Variants in ZNF469 observed in about 807,000 individuals in gnomAD.
ZNF469 encodes the protein zinc finger protein 469.
In ZNF469, 1 loss-of-function variant was observed where a neutral mutation model predicts 1.0. That is an observed-to-expected ratio of 1.00 (90% CI 0.35 to 4.73). The LOEUF is 4.73. Among genes scored for constraint, ZNF469 ranks in the 30% most tolerant of loss-of-function variants. The pLI is 0.16. For missense variants in ZNF469, 6,100 were observed against 5,356.3 expected (o/e 1.14, Z -4.33); for synonymous variants, 2,703 against 2,363.4 (o/e 1.14, Z -4.17).
At chr16:88,174,757 T>G in the ZNF469 span, among the ~76,000 whole-genome samples, 5 of 151,388 alleles carry the variant, frequency 3.3e-5, no homozygotes, top group East Asian at 9.7e-4. Flanking sequence ...TTCTCTAGCT[T>G]TATTGTAAGA....
intron 1 of ZNF469, among the ~76,000 whole-genome samples, chr16:88,397,670 A>ATAGATAGATAGATAGG (rs1234720836): frequency 6.7e-6 from 1 of 150,072 alleles, no homozygotes; most frequent in East Asian, 1.9e-4. Context: ...AGATAGATAG[A>ATAGATAGATAGATAGG]TAGATAGATA....
the ZNF469 span, among the ~76,000 whole-genome samples, chr16:88,300,792 C>T: frequency 1.3e-5 from 2 of 152,118 alleles, no homozygotes; most frequent in Admixed American, 6.5e-5. Context: ...AGGCCGGGTG[C>T]GGTGGCTCAC....
chr16:88,143,658 C>T, the ZNF469 span, among the ~76,000 whole-genome samples: 7 of 152,362 alleles, frequency 4.6e-5, no homozygotes, highest in African/African-American at 9.6e-5. Flanking sequence ...TTGTGTCTGA[C>T]GTCTGTCTCT....
the ZNF469 span, among the ~76,000 whole-genome samples, chr16:88,334,893 C>G: frequency 0.26 from 38,723 of 149,810 alleles, 5,242 homozygotes; most frequent in Non-Finnish European, 0.31. Context: ...GCCGACGGAA[C>G]GACACATGTG....
chr16:88,249,838 C>T, the ZNF469 span, among the ~76,000 whole-genome samples: 1 of 152,240 alleles, frequency 6.6e-6, no homozygotes, highest in Admixed American at 6.5e-5. Context: ...GCTGGGATCA[C>T]AGGCGTGAGC....
chr16:88,114,398 GGGT>G, the ZNF469 span, among the ~76,000 whole-genome samples: 36 of 145,290 alleles, frequency 2.5e-4, no homozygotes, highest in African/African-American at 8.3e-4. Flanking sequence ...GGGGTCTCTG[GGGT>G]GGGGAATGAC....
In ZNF469 at chr16:88,424,751, T is replaced by C. The variant is rs998513580; in HGVS notation, c.-191-56T>C. 3.9e-5 allele frequency among the ~76,000 whole-genome samples: 6 copies of C among 152,150 alleles called. No individual in the cohort carries two copies. Among genetic ancestry groups the C allele is most frequent in the Admixed American group, 1.3e-4 (2 of 15,282 alleles). ...TCCCACCTGGCTTCTCCTCGGGCTC[T>C]TGGTCCAGAGCCATGCACCACATCG... is the stretch of plus-strand genomic sequence containing the variant. On this transcript the variant is annotated intron_variant, in intron 1 of 2. Transcript: ENST00000565624. The surrounding 1 kb of genome is among the most constrained non-coding windows in gnomAD (Gnocchi z 4.3).
chr16:88,355,112 G>A, the ZNF469 span, among the ~76,000 whole-genome samples: 1 of 146,390 alleles, frequency 6.8e-6, no homozygotes, highest in African/African-American at 2.8e-5. Flanking sequence ...AGAACACTGG[G>A]CAGAACACTG....
At chr16:88,239,221 G>A in the ZNF469 span, among the ~76,000 whole-genome samples, 6 of 152,242 alleles carry the variant, frequency 3.9e-5, no homozygotes, top group East Asian at 3.9e-4. Context: ...GGTCCTACTC[G>A]TTTTTGTTCA....
the ZNF469 span, among the ~76,000 whole-genome samples, chr16:88,165,367 G>A: frequency 2.6e-5 from 4 of 152,228 alleles, no homozygotes; most frequent in Non-Finnish European, 5.9e-5. Context: ...GTCCCCGATG[G>A]CTGTGAAAGG....
At chr16:88,220,033 C>G in the ZNF469 span, among the ~76,000 whole-genome samples, 1 of 152,204 alleles carries the variant, frequency 6.6e-6, no homozygotes, top group Non-Finnish European at 1.5e-5. Context: ...CCAGAGTTCT[C>G]CAATACTTGA....
the ZNF469 span, among the ~76,000 whole-genome samples, chr16:88,317,446 T>C: frequency 6.6e-6 from 1 of 152,110 alleles, no homozygotes; most frequent in Non-Finnish European, 1.5e-5. Context: ...ACCTGGCTGG[T>C]GAAGGTTGGA....
chr16:88,362,987 G>A, the ZNF469 span, among the ~76,000 whole-genome samples: 2 of 152,058 alleles, frequency 1.3e-5, no homozygotes, highest in Non-Finnish European at 2.9e-5. Context: ...CCATTCTACT[G>A]TAGAGCCCAT....
At chr16:88,148,991 C>G in the ZNF469 span, among the ~76,000 whole-genome samples, 3 of 152,186 alleles carry the variant, frequency 2.0e-5, no homozygotes, top group Non-Finnish European at 1.5e-5. Flanking sequence ...ATATCACATC[C>G]TCAAGGGTGA....
the ZNF469 span, among the ~76,000 whole-genome samples, chr16:88,369,848 C>T: frequency 2.0e-5 from 3 of 152,320 alleles, no homozygotes; most frequent in African/African-American, 7.2e-5. Context: ...GACAGTGACA[C>T]AGTCTCAACA....
chr16:88,300,864 A>G, the ZNF469 span, among the ~76,000 whole-genome samples: 81 of 152,246 alleles, frequency 5.3e-4, no homozygotes, highest in Middle Eastern at 6.8e-3. Flanking sequence ...CAGGAGTTGG[A>G]GACCAGCCTG....
intron 1 of ZNF469, among the ~76,000 whole-genome samples, chr16:88,417,997 C>T (rs1211530728): frequency 6.6e-6 from 1 of 152,198 alleles, no homozygotes; most frequent in African/African-American, 2.4e-5. Context: ...CTGTCCCCAC[C>T]CTGCAGCCCA....
chr16:88,102,114 C>G, the ZNF469 span, among the ~76,000 whole-genome samples: 1 of 140,048 alleles, frequency 7.1e-6, no homozygotes, highest in Admixed American at 7.8e-5. Context: ...CTGGCGTGAT[C>G]TAAGATATTG....
At chr16:88,188,833 G>A in the ZNF469 span, among the ~76,000 whole-genome samples, 1 of 152,192 alleles carries the variant, frequency 6.6e-6, no homozygotes, top group African/African-American at 2.4e-5. Context: ...TCTCTGTGGA[G>A]TTTGAGGAGC....
Sources: allele counts gnomAD v4.1 joint callset (sites outside exome capture counted in the v4.1 genomes callset), GRCh38; gene constraint gnomAD v4.1.1; non-coding constraint Gnocchi (gnomAD v3.1); transcripts MANE v1.5; gene names NCBI Gene and HGNC (gene_info 2026-07-23, HGNC 2026-07-21).